PDIA5: variants seen among roughly 807,000 people sequenced by gnomAD.
The protein encoded by PDIA5 is protein disulfide isomerase family A member 5, also known as protein disulfide-isomerase A5.
PDIA5 carries 58 observed loss-of-function variants against 77.6 expected under a neutral mutation model. The observed-to-expected ratio is 0.75, with a 90% CI of 0.61 to 0.93. The LOEUF is 0.93. PDIA5 is among the 40% of genes least tolerant of loss of function. The pLI is 0.00. For missense variants in PDIA5, 630 were observed against 647.7 expected, an observed-to-expected ratio of 0.97 and a Z score of 0.30; for synonymous variants, 250 against 252.1, an observed-to-expected ratio of 0.99 and a Z score of 0.08.
intron 3 of PDIA5, among the ~76,000 whole-genome samples, chr3:123,100,950 G>A (rs1934574701): frequency 6.6e-6 from 1 of 152,212 alleles, no homozygotes; most frequent in Admixed American, 6.5e-5. Context: ...GACTCCAGTT[G>A]TGTAGTCAGT....
chr3:123,087,626 T>G (rs886342343), intron 1 of PDIA5, among the ~76,000 whole-genome samples: 2 of 152,210 alleles, frequency 1.3e-5, no homozygotes, highest in Non-Finnish European at 2.9e-5. Context: ...AATAATAATT[T>G]TCTTGTTTTC....
intron 6 of PDIA5, among the ~76,000 whole-genome samples, chr3:123,108,527 G>A (rs1446673193): frequency 2.0e-5 from 3 of 148,644 alleles, no homozygotes; most frequent in African/African-American, 4.9e-5. Flanking sequence ...TGATCCACCC[G>A]CCTCGGCCTC....
At chr3:123,146,812 A>ATTTTG (rs59187132) in intron 13 of PDIA5, among the ~76,000 whole-genome samples, 124 of 144,998 alleles carry the variant, frequency 8.6e-4, no homozygotes, top group African/African-American at 3.0e-3. Flanking sequence ...TTTTCTTACA[A>ATTTTG]TTTTGTTTTG....
In PDIA5 at chr3:123,097,882, G is replaced by A. The variant is rs190838242; in HGVS notation, c.258-4529G>A. Among the ~76,000 whole-genome samples, 68 of 152,244 alleles carry A rather than the reference G, an allele frequency of 4.5e-4. 1 individual carries two copies. In the South Asian group the frequency reaches 0.013, roughly 30 times the overall value. Reference sequence around the variant, plus strand: ...ACTAGAGAGGCTGGGGTAGTCGTGGGCACAAAGTTAATGTTAAGGCAGGCA... The same window carrying A: ...ACTAGAGAGGCTGGGGTAGTCGTGGACACAAAGTTAATGTTAAGGCAGGCA... On this transcript the variant is annotated intron_variant, in intron 3 of 16. Transcript: ENST00000316218.
intron 10 of PDIA5, 70 bp downstream of exon 10, chr3:123,124,413 G>T (rs55746638): frequency 8.3e-6 from 9 of 1,082,614 alleles, no homozygotes; most frequent in Admixed American, 1.7e-5. Context: ...CCTGAGGGTC[G>T]CAGGGCTCTG....
intron 2 of PDIA5, 71 bp downstream of exon 2, chr3:123,089,365 C>A: frequency 6.7e-7 from 1 of 1,499,762 alleles, no homozygotes; most frequent in South Asian, 1.2e-5. Context: ...GAGTGGGAGG[C>A]AGGAGACGTT....
intron 1 of PDIA5, among the ~76,000 whole-genome samples, chr3:123,075,822 A>AG (rs61214234): frequency 0.13 from 20,246 of 152,214 alleles, 1,565 homozygotes; most frequent in Non-Finnish European, 0.18. Context: ...CTGTATTCCC[A>AG]GAATACCGAG....
intron 1 of PDIA5, among the ~76,000 whole-genome samples, chr3:123,073,462 G>A (rs1228634684): frequency 6.6e-6 from 1 of 152,124 alleles, no homozygotes; most frequent in Non-Finnish European, 1.5e-5. Flanking sequence ...ATTGGACAGG[G>A]GTGGCCAGCC....
Position 123,126,624 on chromosome 3 carries a change from A to G in PDIA5, c.773+2281A>G, listed in dbSNP as rs190749673. Among the ~76,000 whole-genome samples, 3 of 152,230 alleles carry G rather than the reference A, an allele frequency of 2.0e-5. No homozygotes were observed. In the East Asian group the frequency reaches 5.8e-4, roughly 29 times the overall value. On this transcript the variant is annotated intron_variant, in intron 10 of 16. Coordinates refer to ENST00000316218, the MANE Select transcript of PDIA5 (RefSeq NM_006810.4). ...GTCCCACATGGATTAAGCCTTTTCC[A>G]GTTTCCCCTCACATCCTTTTGGGCA...
intron 3 of PDIA5, among the ~76,000 whole-genome samples, chr3:123,093,357 G>A (rs879653820): frequency 6.6e-5 from 10 of 152,116 alleles, no homozygotes; most frequent in Non-Finnish European, 1.3e-4. Flanking sequence ...TGAGATCTTA[G>A]CCATTGGTTA....
At chr3:123,134,805 C>T (rs1293330929) in intron 11 of PDIA5, among the ~76,000 whole-genome samples, 1 of 152,210 alleles carries the variant, frequency 6.6e-6, no homozygotes, top group East Asian at 1.9e-4. Flanking sequence ...AGGTTTGCCC[C>T]ACAGCCCTGT....
intron 1 of PDIA5, among the ~76,000 whole-genome samples, chr3:123,086,947 A>T (rs934669264): frequency 6.6e-6 from 1 of 152,222 alleles, no homozygotes. Context: ...TGTGAAGCCA[A>T]TGCTTGATTG....
At chr3:123,069,584 C>T (rs1449202043) in intron 1 of PDIA5, among the ~76,000 whole-genome samples, 1 of 152,020 alleles carries the variant, frequency 6.6e-6, no homozygotes, top group East Asian at 1.9e-4. Context: ...TAGTGAGGAC[C>T]CTCCTCCAGA....
At chr3:123,070,615 T>C (rs954112151) in intron 1 of PDIA5, among the ~76,000 whole-genome samples, 2 of 152,154 alleles carry the variant, frequency 1.3e-5, no homozygotes, top group Admixed American at 6.5e-5. Context: ...TGCCAAGTGC[T>C]CCTGGACACA....
intron 15 of PDIA5, among the ~76,000 whole-genome samples, chr3:123,158,965 C>T (rs547007821): frequency 2.6e-5 from 4 of 152,334 alleles, no homozygotes; most frequent in South Asian, 2.1e-4. Context: ...GTGGAAAACG[C>T]GCGTGGATTC....
At chr3:123,102,204 C>T (rs1207951731) in intron 3 of PDIA5, among the ~76,000 whole-genome samples, 2 of 152,190 alleles carry the variant, frequency 1.3e-5, no homozygotes, top group Admixed American at 1.3e-4. Flanking sequence ...GCCCCCACGC[C>T]CAGCCTCTGT....
Position 123,162,029 on chromosome 3 carries a change from A to G in PDIA5, c.*69A>G. 1 of 969,866 alleles carries G rather than the reference A, an allele frequency of 1.0e-6. No individual in the cohort carries two copies. Among genetic ancestry groups the G allele is most frequent in the African/African-American group, 1.7e-5 (1 of 60,408 alleles). 60.1% of individuals were successfully genotyped at this position (969,866 alleles called of 1,614,324 possible). On this transcript the variant is annotated 3_prime_UTR_variant, in exon 17 of 17. Transcript: ENST00000316218. ...CCTGTTTTGTTGTTTCTGAATTTCC[A>G]CATGTTCTGAAGACAAATTTTTTAT... is the stretch of plus-strand genomic sequence containing the variant.
At chr3:123,125,797 T>C (rs560101878) in intron 10 of PDIA5, among the ~76,000 whole-genome samples, 1 of 152,322 alleles carries the variant, frequency 6.6e-6, no homozygotes, top group Admixed American at 6.5e-5. Context: ...CTTGGAAGCA[T>C]TCTCACATCT....
intron 8 of PDIA5, among the ~76,000 whole-genome samples, chr3:123,123,395 C>A (rs539705075): frequency 3.3e-5 from 5 of 152,180 alleles, no homozygotes; most frequent in Non-Finnish European, 7.3e-5. Flanking sequence ...AGATGATGAT[C>A]CAGCCAGGCT....
Sources: gnomAD v4.1 joint callset for allele counts (sites outside exome capture counted in the v4.1 genomes callset) on GRCh38, gnomAD v4.1.1 for gene constraint, MANE v1.5 for transcripts, NCBI Gene and HGNC (gene_info 2026-07-23, HGNC 2026-07-21) for gene names.